Variants in STPG2 observed in about 807,000 individuals in gnomAD.
STPG2 encodes the protein sperm tail PG-rich repeat containing 2, also known as sperm-tail PG-rich repeat-containing protein 2.
In STPG2, 56 loss-of-function variants were observed where a neutral mutation model predicts 54.2. The observed-to-expected ratio is 1.03, with a 90% CI of 0.83 to 1.29. The LOEUF is 1.29. Ranked by LOEUF, STPG2 falls within the 50% of genes most tolerant of loss-of-function variation. The pLI is 0.00. For synonymous variants in STPG2, 200 were observed against 181.8 expected (o/e 1.10, Z -0.81); for missense variants, 596 against 544.9 (o/e 1.09, Z -0.93).
chr4:98,055,683 C>CA (rs1737459741), intron 5 of STPG2, among the ~76,000 whole-genome samples: 1 of 152,188 alleles, frequency 6.6e-6, no homozygotes, highest in South Asian at 2.1e-4. Flanking sequence ...TAGTAGAACA[C>CA]AGCCAGGGAC....
At chr4:97,850,796 A>T (rs1009795395) in intron 8 of STPG2, among the ~76,000 whole-genome samples, 1 of 152,166 alleles carries the variant, frequency 6.6e-6, no homozygotes, top group African/African-American at 2.4e-5. Flanking sequence ...ACCCCAAAAA[A>T]GTAGTTGCTT....
In STPG2 at chr4:98,135,097, T is replaced by A. The variant is rs1188734305; in HGVS notation, c.110-638A>T. On this transcript the variant is annotated intron_variant, in intron 1 of 10. Coordinates refer to ENST00000295268, the MANE Select transcript of STPG2 (RefSeq NM_174952.3). ...TTCAAGATCTGTATTGGAAAAATTA[T>A]TAGTGTTTAAGCAATGTGGATATCA... 2.0e-5 allele frequency among the ~76,000 whole-genome samples: 3 copies of A among 151,810 alleles called. No individual in the cohort carries two copies. The East Asian group carries it at 5.8e-4, about 29-fold the overall frequency.
intron 10 of STPG2, among the ~76,000 whole-genome samples, chr4:97,647,918 T>C (rs543366802): frequency 6.6e-5 from 10 of 152,154 alleles, no homozygotes; most frequent in African/African-American, 2.2e-4. Context: ...CCCTGGAACA[T>C]GGGATAGGCA....
intron 4 of STPG2, among the ~76,000 whole-genome samples, chr4:97,546,261 A>G (rs577015227): frequency 1.9e-4 from 29 of 152,084 alleles, no homozygotes; most frequent in African/African-American, 6.7e-4. Context: ...GACAAAACCA[A>G]TTGAGCACTT....
At chr4:97,972,788 G>A (rs994117637) in intron 6 of STPG2, among the ~76,000 whole-genome samples, 13 of 152,024 alleles carry the variant, frequency 8.6e-5, no homozygotes, top group Admixed American at 5.9e-4. Context: ...TAAGTATCAC[G>A]AGATCTGATG....
At chr4:97,745,963 T>C (rs1044372441) in intron 9 of STPG2, among the ~76,000 whole-genome samples, 3 of 151,294 alleles carry the variant, frequency 2.0e-5, no homozygotes, top group Non-Finnish European at 3.0e-5. Flanking sequence ...GAGAGTTGTT[T>C]GAGCTAATTT....
At chr4:97,809,854 C>T (rs959640523) in intron 9 of STPG2, among the ~76,000 whole-genome samples, 6 of 151,940 alleles carry the variant, frequency 3.9e-5, no homozygotes, top group Admixed American at 2.6e-4. Context: ...AGCTGATAAA[C>T]GGGTGTTGGT....
chr4:97,849,293 G>T (rs1378484476), intron 8 of STPG2, among the ~76,000 whole-genome samples: 1 of 150,070 alleles, frequency 6.7e-6, no homozygotes, highest in East Asian at 1.9e-4. Flanking sequence ...ATGATTAAAC[G>T]TTAGACCTAA....
chr4:97,570,535 G>A (rs1732572584), intron 10 of STPG2, among the ~76,000 whole-genome samples: 1 of 151,706 alleles, frequency 6.6e-6, no homozygotes, highest in South Asian at 2.1e-4. Flanking sequence ...CCCACTCTAG[G>A]TATTCTAGAT....
intron 4 of STPG2, among the ~76,000 whole-genome samples, chr4:97,488,163 T>C (rs1730417557): frequency 6.6e-6 from 1 of 151,632 alleles, no homozygotes; most frequent in African/African-American, 2.4e-5. Context: ...TACAATCTAA[T>C]CATCAAAATA....
chr4:97,475,298 A>T (rs1302210158), intron 4 of STPG2, among the ~76,000 whole-genome samples: 1 of 151,716 alleles, frequency 6.6e-6, no homozygotes, highest in Non-Finnish European at 1.5e-5. Context: ...AAATAATTTG[A>T]ATTTCTTATG....
intron 8 of STPG2, among the ~76,000 whole-genome samples, chr4:97,931,755 T>C (rs960391307): frequency 6.6e-6 from 1 of 152,106 alleles, no homozygotes. Context: ...CCTGGTCTCA[T>C]AGACTGAGTT....
Position 97,845,204 on chromosome 4 carries a change from AT to A in STPG2, c.1045-4273del, listed in dbSNP as rs922427793. ...TTTTAAGATAAGATAGCAACTCTGG[AT>A]TTTTTTTCTTTAATGAGATTTGTTG... is the stretch of plus-strand genomic sequence containing the variant. On this transcript the variant is annotated intron_variant, in intron 8 of 10. Transcript: ENST00000295268. 7.3e-5 allele frequency among the ~76,000 whole-genome samples: 11 copies of A among 151,334 alleles called. No individual in the cohort carries two copies. In the East Asian group the frequency reaches 7.8e-4, roughly 11 times the overall value.
At chr4:97,672,526 C>T (rs1454002805) in intron 10 of STPG2, among the ~76,000 whole-genome samples, 1 of 152,000 alleles carries the variant, frequency 6.6e-6, no homozygotes, top group African/African-American at 2.4e-5. Context: ...ATTAAGAACT[C>T]CAGGGGATGT....
intron 9 of STPG2, among the ~76,000 whole-genome samples, chr4:97,778,932 C>T (rs1019212931): frequency 2.6e-5 from 4 of 152,080 alleles, no homozygotes; most frequent in African/African-American, 4.8e-5. Context: ...CCCATCTGAA[C>T]GTCACCATCA....
At chr4:97,948,684 G>A (rs1733344502) in intron 7 of STPG2, among the ~76,000 whole-genome samples, 1 of 152,090 alleles carries the variant, frequency 6.6e-6, no homozygotes, top group African/African-American at 2.4e-5. Flanking sequence ...AATCATTCAG[G>A]AACAGATTGT....
At chr4:97,847,681 C>T (rs1026751173) in intron 8 of STPG2, among the ~76,000 whole-genome samples, 3 of 152,166 alleles carry the variant, frequency 2.0e-5, no homozygotes, top group Non-Finnish European at 4.4e-5. Flanking sequence ...GTGTTCTGGA[C>T]ATTTGCACAT....
At chr4:97,548,701 A>C (rs1731899383) in intron 4 of STPG2, among the ~76,000 whole-genome samples, 1 of 152,028 alleles carries the variant, frequency 6.6e-6, no homozygotes, top group African/African-American at 2.4e-5. Context: ...AATTTTTGCA[A>C]AGGAAACTGA....
At chr4:97,583,560 T>A (rs62315851) in intron 10 of STPG2, among the ~76,000 whole-genome samples, 127,092 of 151,362 alleles carry the variant, frequency 0.84, 53,867 homozygotes, top group African/African-American at 0.96. Flanking sequence ...CTTAGAGTGT[T>A]ATTATTCCCA....
Sources: allele counts gnomAD v4.1 joint callset (sites outside exome capture counted in the v4.1 genomes callset), GRCh38; gene constraint gnomAD v4.1.1; transcripts MANE v1.5; gene names NCBI Gene and HGNC (gene_info 2026-07-23, HGNC 2026-07-21).